UTRN: variants seen among roughly 807,000 people sequenced by gnomAD.
UTRN encodes utrophin.
A neutral mutation model predicts 463.9 loss-of-function variants in UTRN; 283 were observed. The ratio of observed to expected loss-of-function variants is 0.61; its 90% CI spans 0.55 to 0.67. UTRN has a LOEUF of 0.67. Among genes scored for constraint, UTRN ranks in the 30% least tolerant of loss-of-function variants. The probability of loss-of-function intolerance (pLI) is 0.00; values close to 1 mark genes in which losing one functional copy is unlikely to be tolerated. For missense variants in UTRN, 3,922 were observed against 4,084.3 expected (o/e 0.96, Z 1.08); for synonymous variants, 1,442 against 1,431.5 (o/e 1.01, Z -0.17).
At chr6:144,313,656 C>T (rs1300710991) in intron 2 of UTRN, among the ~76,000 whole-genome samples, 1 of 152,218 alleles carries the variant, frequency 6.6e-6, no homozygotes, top group East Asian at 1.9e-4. Flanking sequence ...GTGTGGTCCA[C>T]CCTTGCTTGG....
chr6:144,699,448 A>ACT lies in UTRN; in HGVS notation c.7653-639_7653-638insCT, dbSNP rs201088012. 2.9e-5 allele frequency among the ~76,000 whole-genome samples: 4 copies of ACT among 137,792 alleles called. No individual in the cohort carries two copies. In the East Asian group the frequency reaches 8.5e-4, roughly 29 times the overall value. 90.4% of individuals were successfully genotyped at this position (137,792 alleles called of 152,430 possible). On this transcript the variant is annotated intron_variant, in intron 52 of 74. Coordinates refer to ENST00000367545, the MANE Select transcript of UTRN (RefSeq NM_007124.3). ...GAGCAATACTCTGTCTCAAAAAAAA[A>ACT]AATAATAATAATAATTAGTCAGTGG...
chr6:144,291,978 T>C, intron 2 of UTRN, 71 bp downstream of exon 2: 1 of 1,476,818 alleles, frequency 6.8e-7, no homozygotes, highest in Non-Finnish European at 9.2e-7. Flanking sequence ...TTGGATTGAT[T>C]TGCATTGTTC....
intron 2 of UTRN, among the ~76,000 whole-genome samples, chr6:144,313,558 T>G (rs1775080878): frequency 6.6e-6 from 1 of 152,208 alleles, no homozygotes; most frequent in African/African-American, 2.4e-5. Context: ...CTGGCTCCAT[T>G]TGGCACTGGG....
Position 144,645,368 on chromosome 6 carries a change from ATAAAG to A in UTRN, c.7480-33035_7480-33031del, listed in dbSNP as rs1452492405. ...TATAGTCCTTAGATACTGTTTTGTT[ATAAAG>A]TATTTTGTTTTGAAGATGTCTTTAA... On this transcript the variant is annotated intron_variant, in intron 51 of 74. Transcript: ENST00000367545. Among the ~76,000 whole-genome samples, 3 of 152,160 alleles carry A rather than the reference ATAAAG, an allele frequency of 2.0e-5. No individual in the cohort carries two copies. In the East Asian group the frequency reaches 5.8e-4, roughly 29 times the overall value.
At chr6:144,584,614 T>C (rs1802282225) in intron 51 of UTRN, among the ~76,000 whole-genome samples, 1 of 152,130 alleles carries the variant, frequency 6.6e-6, no homozygotes, top group Admixed American at 6.5e-5. Context: ...TTCCATTAAC[T>C]TTATTATATC....
At chr6:144,720,972 T>C (rs1787085495) in intron 53 of UTRN, among the ~76,000 whole-genome samples, 1 of 152,240 alleles carries the variant, frequency 6.6e-6, no homozygotes, top group African/African-American at 2.4e-5. Flanking sequence ...TTTTATATAT[T>C]GTATATATTT....
At chr6:144,366,934 T>C (rs1480860795) in intron 2 of UTRN, among the ~76,000 whole-genome samples, 3 of 152,194 alleles carry the variant, frequency 2.0e-5, no homozygotes, top group Non-Finnish European at 2.9e-5. Flanking sequence ...TTTTTGATAA[T>C]AGCCATTCTG....
At chr6:144,449,718 T>G (rs1163391852) in intron 17 of UTRN, among the ~76,000 whole-genome samples, 1 of 152,178 alleles carries the variant, frequency 6.6e-6, no homozygotes, top group Non-Finnish European at 1.5e-5. Flanking sequence ...CCAGAAACAC[T>G]TTAAGCAAAG....
At chr6:144,435,403 C>G (rs1007368245) in intron 9 of UTRN, among the ~76,000 whole-genome samples, 1 of 152,176 alleles carries the variant, frequency 6.6e-6, no homozygotes, top group African/African-American at 2.4e-5. Flanking sequence ...AAGAAAAATA[C>G]AATCAGTACA....
At chr6:144,617,652 ACTT>A (rs1325754777) in intron 51 of UTRN, among the ~76,000 whole-genome samples, 1 of 152,134 alleles carries the variant, frequency 6.6e-6, no homozygotes, top group Non-Finnish European at 1.5e-5. Flanking sequence ...TGGCCCCTGT[ACTT>A]CTTCAGATCA....
chr6:144,678,494 C>T lies in UTRN; in HGVS notation c.7568C>T (p.Ser2523Phe). ...RQKMVKALGN[S>F]EEATMLQHRL... ...AAGATGGTAAAAGCTTTGGGAAATT[C>T]TGAAGAGGCTACTATGCTTCAACAT... is the stretch of plus-strand genomic sequence containing the variant. Residue 2523 changes from serine (S) to phenylalanine (F), a missense_variant, in exon 52 of 75, where the codon TCT becomes TTT. This residue lies in a region of UTRN where 1,309 missense variants were observed against 1,452.6 expected (regional missense o/e 0.90). Transcript: ENST00000367545. The T allele has an allele frequency of 1.2e-6, 2 of 1,613,284 alleles. No individual in the cohort carries two copies. The highest frequency in any genetic ancestry group is 1.7e-6 in the Non-Finnish European group (2 of 1,179,596).
intron 65 of UTRN, among the ~76,000 whole-genome samples, chr6:144,819,578 A>G (rs1779379364): frequency 6.6e-6 from 1 of 152,088 alleles, no homozygotes; most frequent in African/African-American, 2.4e-5. Flanking sequence ...CTGTAGTCCC[A>G]GCTACTCAGG....
chr6:144,331,549 A>G (rs1038226348), intron 2 of UTRN, among the ~76,000 whole-genome samples: 17 of 152,198 alleles, frequency 1.1e-4, no homozygotes, highest in Non-Finnish European at 2.2e-4. Context: ...ACAATTGAGT[A>G]GTTAATTAGT....
Position 144,286,973 on chromosome 6 carries a change from G to C in UTRN, c.-93+1152G>C, listed in dbSNP as rs9484862. Among the ~76,000 whole-genome samples the C allele has an allele frequency of 2.6e-3, 400 of 152,298 alleles. 1 individual carries two copies. Among genetic ancestry groups the C allele is most frequent in the African/African-American group, 8.8e-3 (367 of 41,560 alleles). On this transcript the variant is annotated intron_variant, in intron 1 of 74. Transcript: ENST00000367545. This position sits in a 1 kb window ranked among gnomAD's most constrained non-coding sequence, Gnocchi z 4.4. ...GTCAGTGCAGCGGTCGCCGCGGCCA[G>C]AGCGCGCGGAGCTCGGGGGAGGCCG...
intron 52 of UTRN, among the ~76,000 whole-genome samples, chr6:144,692,787 T>C (rs899165996): frequency 8.5e-5 from 13 of 152,234 alleles, no homozygotes; most frequent in African/African-American, 2.9e-4. Context: ...AGATGCTCAA[T>C]ATTAGACCTT....
chr6:144,622,158 A>G (rs1012476736), intron 51 of UTRN, among the ~76,000 whole-genome samples: 105 of 148,876 alleles, frequency 7.1e-4, no homozygotes, highest in African/African-American at 2.5e-3. Context: ...TTATCTTACA[A>G]TAGATGGTAT....
chr6:144,321,523 G>A (rs2114583715), intron 2 of UTRN, among the ~76,000 whole-genome samples: 1 of 142,252 alleles, frequency 7.0e-6, no homozygotes, highest in Admixed American at 7.6e-5. Flanking sequence ...AGGCTGGAGT[G>A]CAGTGGCGTG....
rs188868990 is a variant in UTRN, at chr6:144,704,161, T to A, written c.7809+3918T>A. On this transcript the variant is annotated intron_variant, in intron 53 of 74. Coordinates refer to ENST00000367545, the MANE Select transcript of UTRN (RefSeq NM_007124.3). The stretch of plus-strand genomic sequence containing the variant: ...TATGTCCTAGCACCATTCTAAGCAC[T>A]GGAGATATATCCTCACATTTTTGTT... Among the ~76,000 whole-genome samples, 232 of 152,328 alleles carry A rather than the reference T, an allele frequency of 1.5e-3. 2 individuals are homozygous for A. Among genetic ancestry groups the A allele is most frequent in the Non-Finnish European group, 2.9e-4 (20 of 68,028 alleles).
intron 23 of UTRN, among the ~76,000 whole-genome samples, chr6:144,466,820 A>T (rs1790007776): frequency 6.6e-6 from 1 of 152,234 alleles, no homozygotes; most frequent in Non-Finnish European, 1.5e-5. Flanking sequence ...GAAATGAAAG[A>T]TGTCCCCAAG....
Sources: gnomAD v4.1 joint callset for allele counts (sites outside exome capture counted in the v4.1 genomes callset) on GRCh38, gnomAD v4.1.1 for gene constraint, gnomAD v4.1.1 regional missense constraint, Gnocchi (gnomAD v3.1) non-coding constraint, MANE v1.5 for transcripts, NCBI Gene and HGNC (gene_info 2026-07-23, HGNC 2026-07-21) for gene names.